The following CCDC183 variants were observed in gnomAD, a reference collection of about 807,000 sequenced individuals.
CCDC183 encodes coiled-coil domain-containing protein 183.
Under a neutral mutation model 65.2 loss-of-function variants are expected in CCDC183, and 63 were observed. The observed-to-expected ratio is 0.97, with a 90% CI of 0.79 to 1.19. The LOEUF (loss-of-function observed/expected upper bound fraction) is 1.19. CCDC183 is among the 50% of genes most tolerant of loss of function. CCDC183 has a pLI of 0.00. For synonymous variants in CCDC183, 323 were observed against 276.5 expected (o/e 1.17, Z -1.67); for missense variants, 769 against 689.3 (o/e 1.12, Z -1.30).
chr9:136,804,430 C>G lies in CCDC183; in HGVS notation c.667-72C>G. The G allele has an allele frequency of 1.3e-6, 2 of 1,541,834 alleles. No individual in the cohort carries two copies. Among genetic ancestry groups the G allele is most frequent in the South Asian group, 1.2e-5 (1 of 83,826 alleles). On this transcript the variant is annotated intron_variant, in intron 6 of 13. Coordinates refer to ENST00000338005, the MANE Select transcript of CCDC183 (RefSeq NM_001039374.5). This position sits in a 1 kb window ranked among gnomAD's most constrained non-coding sequence, Gnocchi z 4.1. ...AGTAAGGTGAGCATGGCCAACCGCC[C>G]GCTGGCTTTACTGCCATTAGGGGCC...
At position 136,800,083 on chromosome 9, in the gene CCDC183, G is replaced by T. The variant is rs1165303244; in HGVS notation, c.352G>T (p.Gly118Trp). 6.4e-7 allele frequency: 1 copy of T among 1,571,046 alleles called. No homozygotes were observed. Among genetic ancestry groups the T allele is most frequent in the Non-Finnish European group, 8.6e-7 (1 of 1,159,820 alleles). ...ACTGATCCACCTGGTGCGGCGGCGC[G>T]GGCAGAAGCTGGAGAGCATGCAGCT... ...NLLIHLVRRR[G>W]QKLESMQLEL... The change falls in exon 4 of 14, where the codon GGG becomes TGG. Residue 118 changes from glycine (G) to tryptophan (W), a missense_variant. By Grantham distance (184) the Gly-to-Trp change is radical. Transcript: ENST00000338005.
chr9:136,802,610 G>C lies in CCDC183; in HGVS notation c.544-54G>C, dbSNP rs201500069. On this transcript the variant is annotated intron_variant, in intron 5 of 13. Transcript: ENST00000338005. ...GCTCTTAGTCGGGGGATAAAAGCTC[G>C]GGGCAACTGCAGCCCACTCTGTAGG... 276 of 1,549,456 alleles carry C rather than the reference G, an allele frequency of 1.8e-4. 1 individual carries two copies. Among genetic ancestry groups the C allele is most frequent in the Admixed American group, 3.4e-4 (17 of 49,490 alleles).
intron 12 of CCDC183, 44 bp from the exon 13 acceptor site, chr9:136,806,926 C>T: frequency 6.2e-7 from 1 of 1,613,450 alleles, no homozygotes; most frequent in Non-Finnish European, 8.5e-7. Flanking sequence ...TGACAGGCTC[C>T]CGTTCAGAGT....
chr9:136,805,511 G>T (rs546753937), intron 9 of CCDC183, 54 bp downstream of exon 9: 1 of 1,533,128 alleles, frequency 6.5e-7, no homozygotes, highest in Middle Eastern at 1.7e-4. Flanking sequence ...AGCCTCTCAC[G>T]TCTGGGTAAT....
In CCDC183 at chr9:136,796,376, C is replaced by CT; in HGVS notation, c.-20dup. On this transcript the variant is annotated 5_prime_UTR_variant, in exon 1 of 14. Coordinates refer to ENST00000338005, the MANE Select transcript of CCDC183 (RefSeq NM_001039374.5). ...GGAGGCTTTGAGGTACACAGGGTCC[C>CT]TTGGGGGGCCTGAGAGCAGCCATGA... 10 of 1,553,038 alleles carry CT rather than the reference C, an allele frequency of 6.4e-6. No homozygotes were observed. Among genetic ancestry groups the CT allele is most frequent in the Non-Finnish European group, 8.8e-6 (10 of 1,140,420 alleles).
intron 2 of CCDC183, 60 bp from the exon 3 acceptor site, chr9:136,799,653 G>A (rs1172241228): frequency 2.5e-5 from 36 of 1,448,330 alleles, no homozygotes; most frequent in Non-Finnish European, 2.6e-5. Context: ...ATGCCTGGAG[G>A]AGCCAGCGGC....
intron 2 of CCDC183, 158 bp downstream of exon 2, chr9:136,799,381 C>A (rs1162719139): frequency 8.3e-7 from 1 of 1,203,546 alleles, no homozygotes; most frequent in Non-Finnish European, 1.1e-6. Flanking sequence ...GTGCCCTGGG[C>A]TCCAGTCACC....
intron 2 of CCDC183, 178 bp from the exon 3 acceptor site, chr9:136,799,535 C>T (rs777372418): frequency 1.5e-6 from 1 of 683,046 alleles, no homozygotes; most frequent in Non-Finnish European, 2.5e-6. Context: ...CCTACCACGT[C>T]GCCTCCGAAC....
rs747194062 is a variant in CCDC183, at chr9:136,803,164, A to G, written c.666+378A>G. Reference sequence around the variant, plus strand: ...CCCAGGGCTGGGGCCCCCCAGGGCCAGCCCTCTTGGATCTTCGGATGGGGT... The same window carrying G: ...CCCAGGGCTGGGGCCCCCCAGGGCCGGCCCTCTTGGATCTTCGGATGGGGT... On this transcript the variant is annotated intron_variant, in intron 6 of 13. Transcript: ENST00000338005. 3.1e-3 allele frequency among the ~76,000 whole-genome samples: 125 copies of G among 40,074 alleles called. 4 individuals are homozygous for G. The highest frequency in any genetic ancestry group is 0.017 in the African/African-American group (90 of 5,396). 26.3% of individuals were successfully genotyped at this position (40,074 alleles called of 152,430 possible). A position where few individuals can be genotyped will look rare whatever the true frequency, so the allele number is the denominator to read the frequency against.
At chr9:136,800,538 C>T (rs900297399) in intron 5 of CCDC183, 45 bp downstream of exon 5, 20 of 1,279,816 alleles carry the variant, frequency 1.6e-5, no homozygotes, top group East Asian at 5.1e-5. Context: ...GGGCTGGGAT[C>T]TGGGAGGGGC....
At position 136,804,625 on chromosome 9, in the gene CCDC183, C is replaced by T. The variant is rs1564351162; in HGVS notation, c.790C>T (p.Arg264Trp). The change falls in exon 7 of 14, where the codon CGG becomes TGG. Residue 264 changes from arginine to tryptophan, a missense_variant and splice_region_variant. By Grantham distance (101) the Arg-to-Trp change is moderately radical. Transcript: ENST00000338005. This position sits in a 1 kb window ranked among gnomAD's most constrained non-coding sequence, Gnocchi z 4.1. The stretch of plus-strand genomic sequence containing the variant: ...GAAGGAGACCAGCGAGAAGTACCGC[C>T]GGGTAAGCCCCAGGCCAGGGCCTGG... ...HTKETSEKYR[R>W]GQMDLDFPSN... 20 of 1,613,674 alleles carry T rather than the reference C, an allele frequency of 1.2e-5. No individual in the cohort carries two copies. The highest frequency in any genetic ancestry group is 1.7e-4 in the Middle Eastern group (1 of 6,060).
chr9:136,806,756 G>A lies in CCDC183; in HGVS notation c.1279-1G>A. ...GATGAGACCCTCCTCCCGGCCTACAGAGAGAAGTGGTGCTCTCCAACACCC... is the reference window on the plus strand; with the variant it reads ...GATGAGACCCTCCTCCCGGCCTACAAAGAGAAGTGGTGCTCTCCAACACCC... On this transcript the variant is annotated splice_acceptor_variant, in intron 11 of 13. Transcript: ENST00000338005. LOFTEE classifies it high-confidence loss of function. 4 of 1,613,554 alleles carry A rather than the reference G, an allele frequency of 2.5e-6. No individual in the cohort carries two copies. The highest frequency in any genetic ancestry group is 3.4e-6 in the Non-Finnish European group (4 of 1,180,032).
rs530882622 is a variant in CCDC183 at position 136,804,489 on chromosome 9, C to T, written c.667-13C>T. 1.7e-5 allele frequency: 27 copies of T among 1,610,550 alleles called. No homozygotes were observed. Among genetic ancestry groups the T allele is most frequent in the East Asian group, 1.6e-4 (7 of 44,758 alleles). On this transcript the variant is annotated splice_polypyrimidine_tract_variant and intron_variant, in intron 6 of 13. Transcript: ENST00000338005. The surrounding 1 kb of genome is among the most constrained non-coding windows in gnomAD (Gnocchi z 4.1). The stretch of plus-strand genomic sequence containing the variant: ...ACAGCTCCCCAACCCTGTGCCCACC[C>T]GCATGTCCCCAGAGGAACATGAGGC...
Position 136,804,851 on chromosome 9 carries a change from G to C in CCDC183, c.847+35G>C. ...CAGCTCCCCACCTGCCCCCAGCCAG[G>C]GTCCCAAGGAGAGGCTGGCACTGAT... On this transcript the variant is annotated intron_variant, in intron 8 of 13. Coordinates refer to ENST00000338005, the MANE Select transcript of CCDC183 (RefSeq NM_001039374.5). This position sits in a 1 kb window ranked among gnomAD's most constrained non-coding sequence, Gnocchi z 4.1. 1 of 1,592,794 alleles carries C rather than the reference G, an allele frequency of 6.3e-7. No individual in the cohort carries two copies. The highest frequency in any genetic ancestry group is 8.6e-7 in the Non-Finnish European group (1 of 1,161,330).
chr9:136,803,082 GGGCCCCCCAGGGCCA>G lies in CCDC183; in HGVS notation c.666+298_666+312del, dbSNP rs1330057471. 4.1e-4 allele frequency among the ~76,000 whole-genome samples: 23 copies of G among 56,034 alleles called. 2 individuals carry two copies. Among genetic ancestry groups the G allele is most frequent in the Non-Finnish European group, 5.6e-4 (17 of 30,514 alleles). 36.8% of individuals were successfully genotyped at this position (56,034 alleles called of 152,430 possible). The stretch of plus-strand genomic sequence containing the variant: ...AGGTGAGCTCAGGGCCCAGGGCCGG[GGGCCCCCCAGGGCCA>G]GCCCTCTTGGATCTTCGGATGGGGT... On this transcript the variant is annotated intron_variant, in intron 6 of 13. Coordinates refer to ENST00000338005, the MANE Select transcript of CCDC183 (RefSeq NM_001039374.5).
At position 136,799,351 on chromosome 9, in the gene CCDC183, G is replaced by A. The variant is rs115242244; in HGVS notation, c.192+128G>A. ...TTTCTGGATCCAGGGGGCATGTGAG[G>A]AGGGGCTCTGCTAGGACCTGTGCCC... On this transcript the variant is annotated intron_variant, in intron 2 of 13. Coordinates refer to ENST00000338005, the MANE Select transcript of CCDC183 (RefSeq NM_001039374.5). 3,893 of 1,380,398 alleles carry A rather than the reference G, an allele frequency of 2.8e-3. 92 individuals carry two copies. In the African/African-American group the frequency reaches 0.05, roughly 18 times the overall value. 85.5% of individuals were successfully genotyped at this position (1,380,398 alleles called of 1,614,324 possible).
At chr9:136,798,980 G>A in intron 1 of CCDC183, 122 bp from the exon 2 acceptor site, 1 of 1,352,586 alleles carries the variant, frequency 7.4e-7, no homozygotes, top group Admixed American at 2.4e-5. Flanking sequence ...TCTTGGCCAT[G>A]GAGGGGGCAT....
Position 136,805,447 on chromosome 9 carries a change from C to T in CCDC183, c.938C>T (p.Ser313Phe). 1 of 1,613,826 alleles carries T rather than the reference C, an allele frequency of 6.2e-7. No individual in the cohort carries two copies. The highest frequency in any genetic ancestry group is 8.5e-7 in the Non-Finnish European group (1 of 1,179,854). Residue 313 changes from serine to phenylalanine, a missense_variant, in exon 9 of 14, where the codon TCT becomes TTT. By Grantham distance (155) the Ser-to-Phe change is radical. Coordinates refer to ENST00000338005, the MANE Select transcript of CCDC183 (RefSeq NM_001039374.5). ...AAGGTCAAGAGTGCTGTACGGTGCT[C>T]TCACGTCTGGGTAATGCCCCTGGCG... The part of the protein sequence containing the change: ...VEKVKSAVRC[S>F]HVWDITSRFL...
At chr9:136,807,475 C>G in intron 13 of CCDC183, 97 bp from the exon 14 acceptor site, 1 of 1,424,250 alleles carries the variant, frequency 7.0e-7, no homozygotes, top group Non-Finnish European at 9.3e-7. Flanking sequence ...GGCAAGGCAC[C>G]TGGCCCGGGT....
Sources: allele counts gnomAD v4.1 joint callset (sites outside exome capture counted in the v4.1 genomes callset), GRCh38; gene constraint gnomAD v4.1.1; non-coding constraint Gnocchi (gnomAD v3.1); transcripts MANE v1.5; gene names NCBI Gene and HGNC (gene_info 2026-07-23, HGNC 2026-07-21).